The following TCF20 variants were observed in gnomAD, a reference collection of about 807,000 sequenced individuals.
The protein encoded by TCF20 is SPRE-binding protein.
A neutral mutation model predicts 148.6 loss-of-function variants in TCF20; 3 were observed. The ratio of observed to expected loss-of-function variants is 0.02; its 90% CI spans 0.01 to 0.05. The LOEUF is 0.05. TCF20 is among the 10% of genes least tolerant of loss of function. The probability of loss-of-function intolerance (pLI) is 1.00; values close to 1 mark genes in which losing one functional copy is unlikely to be tolerated. For missense variants in TCF20, 2,350 were observed against 2,429.3 expected (o/e 0.97, Z 0.69); for synonymous variants, 1,049 against 909.5 (o/e 1.15, Z -2.76).
intron 1 of TCF20, among the ~76,000 whole-genome samples, chr22:42,324,356 A>G (rs1927830380): frequency 6.6e-6 from 1 of 152,044 alleles, no homozygotes; most frequent in Non-Finnish European, 1.5e-5. Flanking sequence ...AGGCCTGATA[A>G]GACTTGAGAG....
In TCF20 at chr22:42,305,735, G is replaced by A. The variant is rs1927419518; in HGVS notation, c.-37+37744C>T. ...CCTGGCCTGACAGTGGCCCCTGGAT[G>A]GGTGTCATCATCAGTGTGCCACCTG... On this transcript the variant is annotated intron_variant, in intron 1 of 1. Transcript: ENST00000515426. Among the ~76,000 whole-genome samples the A allele has an allele frequency of 2.6e-5, 4 of 152,272 alleles. No homozygotes were observed. In the South Asian group the frequency reaches 6.2e-4, roughly 24 times the overall value.
intron 1 of TCF20, among the ~76,000 whole-genome samples, chr22:42,308,232 G>A (rs959642688): frequency 8.5e-5 from 13 of 152,262 alleles, no homozygotes; most frequent in African/African-American, 1.9e-4. Context: ...ATAGTGAGGC[G>A]GGGGACCCAC....
chr22:42,182,524 G>T (rs1013708120), intron 2 of TCF20, among the ~76,000 whole-genome samples: 1 of 152,186 alleles, frequency 6.6e-6, no homozygotes, highest in Non-Finnish European at 1.5e-5. Flanking sequence ...ATGTCCATTT[G>T]CTTCCTACCT....
At chr22:42,185,353 T>C (rs535625499) in intron 2 of TCF20, among the ~76,000 whole-genome samples, 1 of 152,332 alleles carries the variant, frequency 6.6e-6, no homozygotes, top group Non-Finnish European at 1.5e-5. Flanking sequence ...CCCCAAGGAC[T>C]GGCACACCAT....
chr22:42,258,494 C>G (rs913227623), intron 1 of TCF20, among the ~76,000 whole-genome samples: 3 of 152,200 alleles, frequency 2.0e-5, no homozygotes, highest in African/African-American at 7.2e-5. Context: ...GCATCTTCAA[C>G]ACCATCCTGT....
chr22:42,304,094 G>A (rs1486139569), intron 1 of TCF20, among the ~76,000 whole-genome samples: 1 of 151,922 alleles, frequency 6.6e-6, no homozygotes, highest in African/African-American at 2.4e-5. Flanking sequence ...TTGAGGTTTG[G>A]CGGTGATGGG....
intron 1 of TCF20, among the ~76,000 whole-genome samples, chr22:42,329,637 T>C (rs1270773501): frequency 6.6e-6 from 1 of 152,096 alleles, no homozygotes; most frequent in Non-Finnish European, 1.5e-5. Context: ...ACATGCTGGA[T>C]CGCCACCCAG....
chr22:42,243,310 A>AAAAAAAACAAAAAAAAAAAAAAAAAC (rs1924617974), intron 1 of TCF20, among the ~76,000 whole-genome samples: 1 of 140,864 alleles, frequency 7.1e-6, no homozygotes, highest in African/African-American at 3.0e-5. Context: ...AAAAAAAAAA[A>AAAAAAAACAAAAAAAAAAAAAAAAAC]AAAAAAAAAA....
intron 2 of TCF20, among the ~76,000 whole-genome samples, chr22:42,194,701 T>C (rs1274185497): frequency 6.6e-6 from 1 of 152,034 alleles, no homozygotes; most frequent in Admixed American, 6.5e-5. Flanking sequence ...GACTGTGAGT[T>C]TCACAGGGCA....
chr22:42,179,908 C>A (rs1260856976), intron 2 of TCF20, among the ~76,000 whole-genome samples: 1 of 152,104 alleles, frequency 6.6e-6, no homozygotes, highest in Non-Finnish European at 1.5e-5. Context: ...TTAGACCAAG[C>A]CTCACAAATG....
Position 42,211,015 on chromosome 22 carries a change from G to T in TCF20, c.4291C>A (p.Pro1431Thr). 2 of 1,614,104 alleles carry T rather than the reference G, an allele frequency of 1.2e-6. No individual in the cohort carries two copies. The highest frequency in any genetic ancestry group is 2.2e-5 in the South Asian group (2 of 91,072). Residue 1431 changes from proline (P) to threonine (T), a missense_variant, in exon 2 of 6, where the codon CCA (proline) becomes ACA (threonine). Transcript: ENST00000677622. ...CCACGCCACTCTTCTGAAGACCTTG[G>T]AAGAGGTTTCTCTACGTGCAACTCC... ...NQELHVEKPL[P>T]RSSEEWRGSV...
At chr22:42,264,272 C>CGGGGCG (rs1363979751) in intron 1 of TCF20, among the ~76,000 whole-genome samples, 2 of 1,190 alleles carry the variant, frequency 1.7e-3, no homozygotes, top group Non-Finnish European at 1.5e-3. Context: ...GGGGCGGGGG[C>CGGGGCG]GGGGCGGGGG....
chr22:42,162,464 G>T (rs1188141205), intron 5 of TCF20, among the ~76,000 whole-genome samples: 1 of 152,136 alleles, frequency 6.6e-6, no homozygotes, highest in Non-Finnish European at 1.5e-5. Context: ...TGTGCAGAAG[G>T]GGATTCTGAT....
rs1390723264 is a variant in TCF20 at position 42,210,022 on chromosome 22, T to A, written c.5284A>T (p.Thr1762Ser). ...TGCTCTTCCTCCTCCTCAGTGTCCG[T>A]CTTGGAGCCATTAGAAGCACTTTTG... ...RHKSASNGSK[T>S]DTEEEEEQQQ... The change falls in exon 2 of 6, where the codon ACG (threonine) becomes TCG (serine). Residue 1762 changes from threonine (T) to serine (S), a missense_variant. Physicochemically the swap from Thr to Ser is moderately conservative, Grantham distance 58. Around this residue, in one of 7 missense-constraint regions of TCF20, gnomAD observed 374 missense variants for 398.3 expected, o/e 0.94. Transcript: ENST00000677622. The surrounding 1 kb of genome is among the most constrained non-coding windows in gnomAD (Gnocchi z 4.7). The A allele has an allele frequency of 1.1e-5, 17 of 1,612,772 alleles. No homozygotes were observed. Among genetic ancestry groups the A allele is most frequent in the Non-Finnish European group, 1.4e-5 (17 of 1,180,036 alleles).
intron 1 of TCF20, among the ~76,000 whole-genome samples, chr22:42,219,355 CAAAAAAAAAAAA>C (rs528664836): frequency 1.8e-4 from 8 of 43,586 alleles, no homozygotes; most frequent in Admixed American, 3.2e-4. Context: ...AACCCTGTCT[CAAAAAAAAAAAA>C]AAAAAAAAAA....
intron 1 of TCF20, among the ~76,000 whole-genome samples, chr22:42,289,616 C>T (rs1228448719): frequency 6.6e-6 from 1 of 152,192 alleles, no homozygotes; most frequent in Non-Finnish European, 1.5e-5. Flanking sequence ...GCTGCAACTC[C>T]AATGTGGGTC....
At chr22:42,271,744 T>C (rs1926629326), upstream of TCF20, among the ~76,000 whole-genome samples, 1 of 152,308 alleles carries the variant, frequency 6.6e-6, no homozygotes, top group African/African-American at 2.4e-5. Context: ...TCCTAGATGT[T>C]AGGGGAGTAT....
In TCF20 at chr22:42,210,173, C is replaced by G; in HGVS notation, c.5133G>C (p.Trp1711Cys). The change falls in exon 2 of 6, where the codon TGG becomes TGC. Residue 1711 changes from tryptophan (W) to cysteine (C), a missense_variant. Around this residue, in one of 7 missense-constraint regions of TCF20, gnomAD observed 374 missense variants for 398.3 expected, o/e 0.94. Transcript: ENST00000677622. The surrounding 1 kb of genome is among the most constrained non-coding windows in gnomAD (Gnocchi z 4.7). ...GHLVCCLCGK[W>C]ASYRNMGDLF... ...GGTCACCCATGTTCCGGTAACTGGCCCACTTGCCACACAGACAGCAAACCA... is the reference window on the plus strand; with the variant it reads ...GGTCACCCATGTTCCGGTAACTGGCGCACTTGCCACACAGACAGCAAACCA... 6.2e-7 allele frequency: 1 copy of G among 1,614,090 alleles called. No homozygotes were observed. Among genetic ancestry groups the G allele is most frequent in the Non-Finnish European group, 8.5e-7 (1 of 1,180,014 alleles).
At chr22:42,328,191 C>G (rs1477170600) in intron 1 of TCF20, among the ~76,000 whole-genome samples, 1 of 152,168 alleles carries the variant, frequency 6.6e-6, no homozygotes, top group East Asian at 1.9e-4. Flanking sequence ...CTGCTCTCTA[C>G]TCGGGAGAAC....
Sources: allele counts gnomAD v4.1 joint callset (sites outside exome capture counted in the v4.1 genomes callset), GRCh38; gene constraint gnomAD v4.1.1; regional missense constraint gnomAD v4.1.1; non-coding constraint Gnocchi (gnomAD v3.1); transcripts MANE v1.5; gene names NCBI Gene and HGNC (gene_info 2026-07-23, HGNC 2026-07-21).